DUS4L: variants seen among roughly 807,000 people sequenced by gnomAD.
The protein encoded by DUS4L is dihydrouridine synthase 4 like.
In DUS4L, 31 loss-of-function variants were observed where a neutral mutation model predicts 33.8. The observed-to-expected ratio is 0.92, with a 90% CI of 0.69 to 1.24. The LOEUF (loss-of-function observed/expected upper bound fraction) is 1.24. Among genes scored for constraint, DUS4L ranks in the 50% most tolerant of loss-of-function variants. The pLI, the probability that DUS4L is intolerant of heterozygous loss-of-function variation, is 0.00. For synonymous variants in DUS4L, 103 were observed against 120.3 expected, an observed-to-expected ratio of 0.86 and a Z score of 0.94; for missense variants, 368 against 388.6, an observed-to-expected ratio of 0.95 and a Z score of 0.45.
At chr7:107,568,830 T>C (rs1437126217) in intron 3 of DUS4L, among the ~76,000 whole-genome samples, 1 of 152,266 alleles carries the variant, frequency 6.6e-6, no homozygotes, top group Non-Finnish European at 1.5e-5. Context: ...TGATCAATTT[T>C]GCATTAACTT....
intron 5 of DUS4L, among the ~76,000 whole-genome samples, chr7:107,574,408 G>A (rs1000102261): frequency 4.1e-5 from 6 of 145,104 alleles, no homozygotes; most frequent in Non-Finnish European, 7.5e-5. Flanking sequence ...GTGTGGTCTC[G>A]GCTCACCACA....
In DUS4L at chr7:107,575,293, A is replaced by C; in HGVS notation, c.462A>C (p.Ser154=). 6.2e-7 allele frequency: 1 copy of C among 1,611,364 alleles called. No individual in the cohort carries two copies. The change falls in exon 6 of 8, where the codon TCA becomes TCC. Residue 154 remains serine, a synonymous_variant. Coordinates refer to ENST00000265720, the MANE Select transcript of DUS4L (RefSeq NM_181581.3). The stretch of plus-strand genomic sequence containing the variant: ...ATCAAGTGGAAACCCCTGGATTTTC[A>C]GTTTCTATTAAAATAAGGTAAAGAC... The part of the protein sequence containing the change: ...VRNQVETPGF[S]VSIKIRIHDD...
chr7:107,577,284 G>T (rs1413027955), intron 7 of DUS4L, 29 bp from the exon 8 acceptor site: 4 of 1,609,288 alleles, frequency 2.5e-6, no homozygotes, highest in South Asian at 1.1e-5. Context: ...CTTAATGTAT[G>T]GACAAATATG....
chr7:107,573,956 G>T, intron 5 of DUS4L, 135 bp downstream of exon 5: 1 of 1,205,778 alleles, frequency 8.3e-7, no homozygotes, highest in East Asian at 3.0e-5. Flanking sequence ...AAAACAAGAA[G>T]GAAGAAAATA....
At chr7:107,577,179 A>G in intron 7 of DUS4L, 134 bp from the exon 8 acceptor site, 2 of 1,240,800 alleles carry the variant, frequency 1.6e-6, no homozygotes, top group South Asian at 3.2e-5. Context: ...CGGATTAAAC[A>G]TATTAATGCA....
At chr7:107,573,653 G>C (rs1432003912) in intron 4 of DUS4L, 51 bp from the exon 5 acceptor site, 1 of 1,569,036 alleles carries the variant, frequency 6.4e-7, no homozygotes, top group African/African-American at 1.4e-5. Context: ...GTGTGTGTGT[G>C]CATGGGGTTT....
chr7:107,564,247 AGCAAGTATTAAACCTCAGAACAGGG>A, intron 1 of DUS4L, 38 bp downstream of exon 1: 1 of 569,446 alleles, frequency 1.8e-6, no homozygotes, highest in South Asian at 2.0e-5. Flanking sequence ...TTATCTGTGA[AGCAAGTATTAAACCTCAGAACAGGG>A]GCCGCGCGGC....
At chr7:107,571,092 A>G in intron 3 of DUS4L, 53 bp from the exon 4 acceptor site, 2 of 1,608,746 alleles carry the variant, frequency 1.2e-6, no homozygotes, top group Admixed American at 3.4e-5. Flanking sequence ...CAATGCACTA[A>G]AATATGTTTG....
chr7:107,564,532 C>T (rs1022855176), intron 1 of DUS4L, 56 bp from the exon 2 acceptor site: 1 of 153,324 alleles, frequency 6.5e-6, no homozygotes, highest in African/African-American at 2.4e-5. Context: ...ACTGTCTCTA[C>T]CCTCCTTCCT....
At chr7:107,576,745 T>C (rs1805792486) in intron 7 of DUS4L, 153 bp downstream of exon 7, 2 of 681,820 alleles carry the variant, frequency 2.9e-6, no homozygotes, top group East Asian at 6.2e-5. Flanking sequence ...AAAATGATGT[T>C]AAGTTTTCTA....
At chr7:107,573,975 T>G in intron 5 of DUS4L, 154 bp downstream of exon 5, 1 of 1,087,154 alleles carries the variant, frequency 9.2e-7, no homozygotes, top group Non-Finnish European at 1.2e-6. Context: ...TATAGGGAAA[T>G]GTAATTTAGA....
At chr7:107,572,422 A>G (rs1163528301) in intron 4 of DUS4L, among the ~76,000 whole-genome samples, 1 of 152,242 alleles carries the variant, frequency 6.6e-6, no homozygotes, top group Admixed American at 6.5e-5. Context: ...ATAAACACCC[A>G]GTGAATCTCA....
chr7:107,568,440 G>A (rs763420204), intron 3 of DUS4L, among the ~76,000 whole-genome samples: 1 of 152,164 alleles, frequency 6.6e-6, no homozygotes, highest in African/African-American at 2.4e-5. Context: ...TTTCCCTAAT[G>A]ATTAATGATG....
In DUS4L at chr7:107,578,156, A is replaced by C. The variant is rs1443180989; in HGVS notation, c.*596A>C. ...TAATAATCTCCTACCTAAAAAGATA[A>C]AATTAATTGCAATCTACCATATCTT... On this transcript the variant is annotated 3_prime_UTR_variant, in exon 8 of 8. Coordinates refer to ENST00000265720, the MANE Select transcript of DUS4L (RefSeq NM_181581.3). 1 of 152,238 alleles carries C rather than the reference A, an allele frequency of 6.6e-6. No homozygotes were observed. The highest frequency in any genetic ancestry group is 2.4e-5 in the African/African-American group (1 of 41,458). The allele number at this position is 152,238 out of a possible 1,614,324, so 9.4% of individuals were successfully genotyped here. A position where few individuals can be genotyped will look rare whatever the true frequency, so the allele number is the denominator to read the frequency against.
chr7:107,576,471 G>T lies in DUS4L; in HGVS notation c.585G>T (p.Gln195His), dbSNP rs1230039853. 6.2e-7 allele frequency: 1 copy of T among 1,612,570 alleles called. No individual in the cohort carries two copies. The highest frequency in any genetic ancestry group is 8.5e-7 in the Non-Finnish European group (1 of 1,179,694). ...VHGRTAEERH[Q>H]PVHYDSIKII... The stretch of plus-strand genomic sequence containing the variant: ...GAAGAACTGCTGAAGAAAGACATCA[G>T]CCAGTGCACTATGATTCCATTAAAA... Residue 195 changes from glutamine (Q) to histidine (H), a missense_variant, in exon 7 of 8, where the codon CAG (glutamine) becomes CAT (histidine). Physicochemically the swap from Gln to His is conservative, Grantham distance 24 (BLOSUM62 0). Transcript: ENST00000265720.
chr7:107,576,896 T>C (rs1407193160), intron 7 of DUS4L: 1 of 302,166 alleles, frequency 3.3e-6, no homozygotes, highest in Non-Finnish European at 6.1e-6. Flanking sequence ...GTAAGTGAAC[T>C]CGAGAATGAT....
Position 107,577,328 on chromosome 7 carries a change from G to C in DUS4L, c.722G>C (p.Arg241Thr), listed in dbSNP as rs770004084. 1.5e-5 allele frequency: 24 copies of C among 1,613,980 alleles called. 1 individual carries two copies. The South Asian group carries it at 2.6e-4, about 18-fold the overall frequency. The stretch of plus-strand genomic sequence containing the variant: ...TAATTTGTAGGTGTGATGGTTGCAA[G>C]AGGACTCTTAGCAAACCCGGCCATG... ...ITGTDGVMVA[R>T]GLLANPAMFA... The change falls in exon 8 of 8, where the codon AGA (arginine) becomes ACA (threonine). Residue 241 changes from arginine to threonine, a missense_variant. Coordinates refer to ENST00000265720, the MANE Select transcript of DUS4L (RefSeq NM_181581.3).
chr7:107,567,596 G>T (rs1244923406), intron 3 of DUS4L, among the ~76,000 whole-genome samples: 1 of 152,034 alleles, frequency 6.6e-6, no homozygotes. Flanking sequence ...CTTCTAATTG[G>T]ATTGTTTGCT....
intron 6 of DUS4L, 109 bp from the exon 7 acceptor site, chr7:107,576,257 G>A (rs1805733518): frequency 9.4e-7 from 1 of 1,068,466 alleles, no homozygotes; most frequent in Non-Finnish European, 1.3e-6. Context: ...GTAATAATAT[G>A]ATATAGCAAA....
Sources: allele counts gnomAD v4.1 joint callset (sites outside exome capture counted in the v4.1 genomes callset), GRCh38; gene constraint gnomAD v4.1.1; transcripts MANE v1.5; gene names NCBI Gene and HGNC (gene_info 2026-07-23, HGNC 2026-07-21).